The following SUCO variants were observed in gnomAD, a reference collection of about 807,000 sequenced individuals.
The protein encoded by SUCO is SUN domain containing ossification factor, also known as SUN domain-containing ossification factor.
SUCO carries 57 observed loss-of-function variants against 148.1 expected under a neutral mutation model. The observed-to-expected ratio is 0.38, with a 90% CI of 0.31 to 0.48. The LOEUF (loss-of-function observed/expected upper bound fraction) is 0.48. SUCO is among the 20% of genes least tolerant of loss of function. The probability of loss-of-function intolerance (pLI) is 0.96; values close to 1 mark genes in which losing one functional copy is unlikely to be tolerated. For synonymous variants in SUCO, 470 were observed against 502.7 expected (o/e 0.93, Z 0.87); for missense variants, 1,331 against 1,468.2 (o/e 0.91, Z 1.53).
At chr1:172,574,094 C>A in intron 10 of SUCO, 96 bp downstream of exon 10, 1 of 688,082 alleles carries the variant, frequency 1.5e-6, no homozygotes, top group South Asian at 1.7e-5. Context: ...TGACTTCAGT[C>A]CATTTATTTT....
At chr1:172,607,186 G>C (rs969995402) in intron 22 of SUCO, among the ~76,000 whole-genome samples, 5 of 151,862 alleles carry the variant, frequency 3.3e-5, no homozygotes, top group African/African-American at 1.2e-4. Context: ...CTCTTACTCA[G>C]GGTATGTTGT....
At chr1:172,547,480 A>G (rs921508547) in intron 1 of SUCO, among the ~76,000 whole-genome samples, 4 of 152,206 alleles carry the variant, frequency 2.6e-5, no homozygotes, top group African/African-American at 9.7e-5. Flanking sequence ...TCACAACATC[A>G]TTATAATATC....
chr1:172,557,915 A>G (rs1653867944), intron 6 of SUCO, 121 bp downstream of exon 6: 2 of 735,564 alleles, frequency 2.7e-6, no homozygotes, highest in African/African-American at 1.8e-5. Context: ...AGTAGACAAT[A>G]ACATGTGGAA....
chr1:172,608,645 A>G, intron 22 of SUCO, 102 bp from the exon 23 acceptor site: 1 of 807,510 alleles, frequency 1.2e-6, no homozygotes, highest in Non-Finnish European at 2.1e-6. Flanking sequence ...ACTAGAGGAT[A>G]ATAAGGAATG....
In SUCO at chr1:172,602,072, T is replaced by A; in HGVS notation, c.3027T>A (p.Asp1009Glu). The change falls in exon 21 of 24, where the codon GAT (aspartate) becomes GAA (glutamate). Residue 1009 changes from aspartate to glutamate, a missense_variant. By Grantham distance (45) the Asp-to-Glu change is conservative (BLOSUM62 2). Around this residue, in one of 3 missense-constraint regions of SUCO, gnomAD observed 334 missense variants for 352.3 expected, o/e 0.95. Coordinates refer to ENST00000263688, the MANE Select transcript of SUCO (RefSeq NM_014283.5). ...TVAELKREVS[D>E]RQSYLVISLV... ...CCCTCTTCTCATCTCAGGTTTCAGA[T>A]CGACAAAGCTATCTTGTCATATCTT... The A allele has an allele frequency of 6.2e-7, 1 of 1,608,106 alleles. No homozygotes were observed. Among genetic ancestry groups the A allele is most frequent in the South Asian group, 1.1e-5 (1 of 89,272 alleles).
Position 172,602,687 on chromosome 1 carries a change from A to G in SUCO, c.3174-9A>G. Reference sequence around the variant, plus strand: ...TTGTAACCAATATGTATTTTTCCTAATGTGTTAGGTGTTTCTCTTCCTATG... The same window carrying G: ...TTGTAACCAATATGTATTTTTCCTAGTGTGTTAGGTGTTTCTCTTCCTATG... On this transcript the variant is annotated splice_polypyrimidine_tract_variant and intron_variant, in intron 21 of 23. Transcript: ENST00000263688. 6.2e-7 allele frequency: 1 copy of G among 1,607,802 alleles called. No individual in the cohort carries two copies. The highest frequency in any genetic ancestry group is 2.2e-5 in the East Asian group (1 of 44,792).
intron 2 of SUCO, chr1:172,552,806 T>A: frequency 5.3e-6 from 1 of 187,656 alleles, no homozygotes; most frequent in Non-Finnish European, 1.0e-5. Flanking sequence ...AACATTTAGA[T>A]ACCTAGTATG....
intron 20 of SUCO, among the ~76,000 whole-genome samples, chr1:172,601,404 CAGG>C (rs1228344661): frequency 6.6e-6 from 1 of 150,686 alleles, no homozygotes; most frequent in East Asian, 1.9e-4. Context: ...GAGGCCAAGG[CAGG>C]AGAATTAGTT....
In SUCO at chr1:172,610,293, T is replaced by A; in HGVS notation, c.*34T>A. The A allele has an allele frequency of 6.5e-7, 1 of 1,539,178 alleles. No individual in the cohort carries two copies. The highest frequency in any genetic ancestry group is 1.3e-5 in the South Asian group (1 of 76,994). ...GAACTTTTCATACAGAAGACTTTTTTGTTGTTGTTCTTTGAAGAACAGTCT... is the reference window on the plus strand; with the variant it reads ...GAACTTTTCATACAGAAGACTTTTTAGTTGTTGTTCTTTGAAGAACAGTCT... On this transcript the variant is annotated 3_prime_UTR_variant, in exon 24 of 24. Transcript: ENST00000263688.
chr1:172,533,003 C>T, upstream of SUCO: 6 of 1,417,636 alleles, frequency 4.2e-6, no homozygotes, highest in Non-Finnish European at 4.6e-6. Context: ...GTGCGGGCGC[C>T]GCGGGACTTG....
intron 6 of SUCO, among the ~76,000 whole-genome samples, chr1:172,567,818 A>G (rs769411615): frequency 1.3e-5 from 2 of 152,164 alleles, no homozygotes; most frequent in Non-Finnish European, 2.9e-5. Flanking sequence ...CTCAACAGAT[A>G]TTTCACACTT....
chr1:172,570,249 A>AAT (rs781147732), intron 8 of SUCO, 78 bp downstream of exon 8: 229 of 821,800 alleles, frequency 2.8e-4, no homozygotes, highest in South Asian at 1.2e-3. Flanking sequence ...GTTTACTGGG[A>AAT]ACTATATTTT....
In SUCO at chr1:172,536,215, C is replaced by T. The variant is rs753201913; in HGVS notation, c.62+2718C>T. Among the ~76,000 whole-genome samples, 4 of 152,198 alleles carry T rather than the reference C, an allele frequency of 2.6e-5. No individual in the cohort carries two copies. The South Asian group carries it at 8.3e-4, about 32-fold the overall frequency. On this transcript the variant is annotated intron_variant, in intron 1 of 23. Coordinates refer to ENST00000263688, the MANE Select transcript of SUCO (RefSeq NM_014283.5). ...CTAAGTTTAAGCAGCTGTTAAGCTT[C>T]GGAGCTTAAATTTGAACCTAGGCAG...
chr1:172,600,764 T>A (rs1469040659), intron 20 of SUCO, among the ~76,000 whole-genome samples: 3 of 151,548 alleles, frequency 2.0e-5, no homozygotes, highest in African/African-American at 7.3e-5. Flanking sequence ...CTGCTTTAGT[T>A]AGAGTGATCT....
intron 19 of SUCO, among the ~76,000 whole-genome samples, chr1:172,596,473 G>A (rs1264111044): frequency 6.6e-6 from 1 of 152,052 alleles, no homozygotes; most frequent in African/African-American, 2.4e-5. Flanking sequence ...TTGGTGGAAT[G>A]TCCTTCCTGT....
At chr1:172,543,529 T>C (rs1385937974) in intron 1 of SUCO, among the ~76,000 whole-genome samples, 2 of 152,160 alleles carry the variant, frequency 1.3e-5, no homozygotes, top group Non-Finnish European at 2.9e-5. Context: ...ACAGAACATA[T>C]CACATTTGTT....
chr1:172,565,369 C>G (rs111346615), intron 6 of SUCO, among the ~76,000 whole-genome samples: 4 of 152,168 alleles, frequency 2.6e-5, no homozygotes, highest in Non-Finnish European at 4.4e-5. Context: ...AGTTGCAACT[C>G]GCTGTTAGGA....
intron 1 of SUCO, among the ~76,000 whole-genome samples, chr1:172,536,668 C>T (rs1652043679): frequency 6.6e-6 from 1 of 152,124 alleles, no homozygotes; most frequent in South Asian, 2.1e-4. Context: ...GCTTGAACAA[C>T]ACACATTTAT....
intron 6 of SUCO, among the ~76,000 whole-genome samples, chr1:172,559,961 T>G (rs1044097620): frequency 6.6e-6 from 1 of 152,040 alleles, no homozygotes; most frequent in East Asian, 1.9e-4. Flanking sequence ...CCTCAGAGAT[T>G]AGATACTCCT....
Sources: gnomAD v4.1 joint callset for allele counts (sites outside exome capture counted in the v4.1 genomes callset) on GRCh38, gnomAD v4.1.1 for gene constraint, gnomAD v4.1.1 regional missense constraint, MANE v1.5 for transcripts, NCBI Gene and HGNC (gene_info 2026-07-23, HGNC 2026-07-21) for gene names.